Variants in MIA3 observed in about 807,000 individuals in gnomAD.
The protein encoded by MIA3 is transport and Golgi organization protein 1 homolog.
MIA3 carries 90 observed loss-of-function variants against 192.4 expected under a neutral mutation model. That is an observed-to-expected ratio of 0.47 (90% CI 0.39 to 0.56). MIA3 has a LOEUF of 0.56. Ranked by LOEUF, MIA3 falls within the 20% of genes least tolerant of loss-of-function variation. The pLI, the probability that MIA3 is intolerant of heterozygous loss-of-function variation, is 0.00. For synonymous variants in MIA3, 740 were observed against 792.8 expected (o/e 0.93, Z 1.12); for missense variants, 2,123 against 2,269.4 (o/e 0.94, Z 1.31).
intron 7 of MIA3, among the ~76,000 whole-genome samples, chr1:222,648,560 C>T (rs1663264985): frequency 6.6e-6 from 1 of 152,118 alleles, no homozygotes; most frequent in Admixed American, 6.5e-5. Flanking sequence ...AAGACTGGTG[C>T]TCATTTAGAT....
intron 26 of MIA3, chr1:222,663,026 T>C (rs1177116727): frequency 1.3e-5 from 2 of 152,400 alleles, no homozygotes; most frequent in South Asian, 2.1e-4. Flanking sequence ...ATAGCTGTTA[T>C]GGCTGGTAAG....
intron 5 of MIA3, 132 bp from the exon 6 acceptor site, chr1:222,632,972 A>T (rs547486459): frequency 2.2e-6 from 2 of 902,832 alleles, no homozygotes; most frequent in East Asian, 4.8e-5. Flanking sequence ...TGCACAGTAA[A>T]CATCCAGTGA....
intron 3 of MIA3, 128 bp from the exon 4 acceptor site, chr1:222,627,447 A>C (rs1662169487): frequency 1.3e-6 from 1 of 754,866 alleles, no homozygotes. Flanking sequence ...GTCAGTGCCC[A>C]GTGTTGACGC....
rs529360450 is a variant in MIA3, at chr1:222,660,193, T to C, written c.4992T>C (p.Asn1664=). ...NPPRRGPLSQ[N]GSFGPSPVSG... is the part of the protein sequence containing the mutation. ...CATCTTTAGGTCCTCTGAGCCAGAA[T>C]GGCTCTTTTGGCCCATCCCCTGTGA... The change falls in exon 24 of 28, where the codon AAT becomes AAC. Residue 1664 remains asparagine (N), a synonymous_variant. Transcript: ENST00000344922. The C allele has an allele frequency of 6.8e-6, 11 of 1,612,606 alleles. No homozygotes were observed. In the East Asian group the frequency reaches 2.2e-4, roughly 33 times the overall value.
At position 222,633,261 on chromosome 1, in the gene MIA3, A is replaced by C; in HGVS notation, c.3477+12A>C. 1.3e-6 allele frequency: 2 copies of C among 1,577,852 alleles called. No homozygotes were observed. Among genetic ancestry groups the C allele is most frequent in the Non-Finnish European group, 1.7e-6 (2 of 1,161,390 alleles). ...ATTTAACTAAGTCGGTAAGTTTAACATAGTTTTTTTTTAACTAAAATGTTG... is the reference window on the plus strand; with the variant it reads ...ATTTAACTAAGTCGGTAAGTTTAACCTAGTTTTTTTTTAACTAAAATGTTG... On this transcript the variant is annotated intron_variant, in intron 6 of 27. Coordinates refer to ENST00000344922, the MANE Select transcript of MIA3 (RefSeq NM_198551.4).
intron 1 of MIA3, among the ~76,000 whole-genome samples, chr1:222,620,727 C>T (rs1341402834): frequency 6.6e-6 from 1 of 152,156 alleles, no homozygotes; most frequent in East Asian, 1.9e-4. Flanking sequence ...CCCTATTACC[C>T]GTTCATGTAG....
At position 222,632,228 on chromosome 1, in the gene MIA3, T is replaced by C. The variant is rs745755735; in HGVS notation, c.3233T>C (p.Val1078Ala). 12 of 1,614,128 alleles carry C rather than the reference T, an allele frequency of 7.4e-6. No homozygotes were observed. The highest frequency in any genetic ancestry group is 1.6e-4 in the Middle Eastern group (1 of 6,062). The change falls in exon 5 of 28, where the codon GTT becomes GCT. Residue 1078 changes from valine (V) to alanine (A), a missense_variant. This residue lies in a region of MIA3 where 1,357 missense variants were observed against 1,396.1 expected (regional missense o/e 0.97). Coordinates refer to ENST00000344922, the MANE Select transcript of MIA3 (RefSeq NM_198551.4). The part of the protein sequence containing the change: ...REKTAELNVQ[V>A]PEEPTHLDQR... ...AAGACAGCAGAACTTAATGTGCAGG[T>C]TCCTGAAGAACCCACCCACTTGGAC...
chr1:222,644,407 G>A, intron 6 of MIA3: 1 of 1,541,590 alleles, frequency 6.5e-7, no homozygotes, highest in Non-Finnish European at 8.8e-7. Context: ...GGAGGAGGAA[G>A]CTCTGAAAAA....
intron 27 of MIA3, among the ~76,000 whole-genome samples, chr1:222,664,716 T>G (rs984367680): frequency 2.6e-5 from 4 of 152,190 alleles, no homozygotes; most frequent in African/African-American, 4.8e-5. Flanking sequence ...CACCTTAATT[T>G]TTATGGCATT....
At chr1:222,636,300 T>C (rs1343879182) in intron 6 of MIA3, among the ~76,000 whole-genome samples, 1 of 152,184 alleles carries the variant, frequency 6.6e-6, no homozygotes, top group Non-Finnish European at 1.5e-5. Context: ...GTCAGTTCAC[T>C]CTGACTAGCT....
intron 6 of MIA3, chr1:222,641,550 C>A: frequency 4.0e-6 from 2 of 505,976 alleles, no homozygotes; most frequent in South Asian, 2.9e-5. Flanking sequence ...GGAAGTCTGT[C>A]TTCCTCTTCA....
chr1:222,652,141 A>G, intron 12 of MIA3, 87 bp from the exon 13 acceptor site: 1 of 1,379,842 alleles, frequency 7.2e-7, no homozygotes, highest in Non-Finnish European at 1.0e-6. Flanking sequence ...TGTGCAAAAA[A>G]TGAAAACTAC....
chr1:222,646,626 C>T (rs1663161319), intron 7 of MIA3, among the ~76,000 whole-genome samples: 5 of 151,860 alleles, frequency 3.3e-5, no homozygotes, highest in Admixed American at 3.3e-4. Context: ...GTGGCAGGAG[C>T]CTGTAATCCC....
chr1:222,643,568 A>T (rs1257624305), intron 6 of MIA3, among the ~76,000 whole-genome samples: 1 of 152,030 alleles, frequency 6.6e-6, no homozygotes, highest in East Asian at 1.9e-4. Flanking sequence ...TACAGATACC[A>T]TTTTTTCCCC....
chr1:222,630,415 C>A (rs1436685799), intron 4 of MIA3, 26 bp downstream of exon 4: 2 of 1,562,808 alleles, frequency 1.3e-6, no homozygotes, highest in African/African-American at 1.4e-5. Context: ...CCTTGTAGAA[C>A]AGGGCTGGAG....
intron 24 of MIA3, 99 bp downstream of exon 24, chr1:222,660,413 A>G: frequency 5.9e-6 from 7 of 1,188,796 alleles, no homozygotes; most frequent in Non-Finnish European, 7.9e-6. Flanking sequence ...GGGTCTGTCC[A>G]GTATAGAAAA....
At chr1:222,627,487 C>T (rs1397284863) in intron 3 of MIA3, 88 bp from the exon 4 acceptor site, 3 of 1,165,364 alleles carry the variant, frequency 2.6e-6, no homozygotes, top group South Asian at 3.1e-5. Context: ...AACGTGAATT[C>T]GAGATTATCT....
intron 8 of MIA3, chr1:222,649,167 C>T (rs975429737): frequency 5.2e-6 from 1 of 191,600 alleles, no homozygotes; most frequent in Non-Finnish European, 1.1e-5. Flanking sequence ...TTAGTCAGTA[C>T]ATTAAATATT....
chr1:222,627,294 A>G (rs1662162574), intron 3 of MIA3, among the ~76,000 whole-genome samples: 1 of 152,200 alleles, frequency 6.6e-6, no homozygotes, highest in Non-Finnish European at 1.5e-5. Flanking sequence ...GGTCCCAAAC[A>G]GAAAACAGGA....
Sources: allele counts gnomAD v4.1 joint callset (sites outside exome capture counted in the v4.1 genomes callset), GRCh38; gene constraint gnomAD v4.1.1; regional missense constraint gnomAD v4.1.1; transcripts MANE v1.5; gene names NCBI Gene and HGNC (gene_info 2026-07-23, HGNC 2026-07-21).